Variants in ARHGEF3 observed in about 807,000 individuals in gnomAD.
ARHGEF3 encodes the protein Rho guanine nucleotide exchange factor 3.
ARHGEF3 carries 28 observed loss-of-function variants against 63.2 expected under a neutral mutation model. The observed-to-expected ratio is 0.44, with a 90% CI of 0.33 to 0.61. ARHGEF3 has a LOEUF of 0.61. ARHGEF3 is among the 20% of genes least tolerant of loss of function. ARHGEF3 has a pLI of 0.03. For missense variants in ARHGEF3, 533 were observed against 659.3 expected, an observed-to-expected ratio of 0.81 and a Z score of 2.10; for synonymous variants, 266 against 254.2, an observed-to-expected ratio of 1.05 and a Z score of -0.44.
At chr3:56,916,596 AC>A in intron 3 of ARHGEF3, 1 of 897,388 alleles carries the variant, frequency 1.1e-6, no homozygotes, top group Non-Finnish European at 1.5e-6. Flanking sequence ...TCAAAGGTAC[AC>A]CAGAAGTTCA....
At chr3:57,002,502 A>ATATATATGT (rs1702279318) in intron 2 of ARHGEF3, among the ~76,000 whole-genome samples, 1 of 81,058 alleles carries the variant, frequency 1.2e-5, no homozygotes, top group African/African-American at 4.3e-5. Flanking sequence ...TATATGTTAT[A>ATATATATGT]TATATATATA....
At chr3:56,921,774 G>T (rs994669516) in intron 3 of ARHGEF3, among the ~76,000 whole-genome samples, 1 of 152,220 alleles carries the variant, frequency 6.6e-6, no homozygotes, top group African/African-American at 2.4e-5. Flanking sequence ...AGCTCAACAA[G>T]ATTATAAAAT....
intron 4 of ARHGEF3, among the ~76,000 whole-genome samples, chr3:56,807,691 G>A (rs7618156): frequency 0.88 from 133,308 of 152,194 alleles, 58,453 homozygotes; most frequent in East Asian, 0.9. Flanking sequence ...GTGAATTCTG[G>A]CAGATCAGGA....
chr3:56,739,394 TCC>T lies in ARHGEF3; in HGVS notation c.871-2041_871-2040del, dbSNP rs369880587. ...ATCTAGGATTGTTAAGTAATTATTT[TCC>T]TTTTTTTTTTTTTTTTTCAGTTGAG... is the stretch of plus-strand genomic sequence containing the variant. On this transcript the variant is annotated intron_variant, in intron 7 of 9. Transcript: ENST00000296315. Among the ~76,000 whole-genome samples the T allele has an allele frequency of 1.3e-3, 119 of 93,804 alleles. 3 individuals carry two copies. The highest frequency in any genetic ancestry group is 4.0e-3 in the East Asian group (4 of 1,002). 61.5% of individuals were successfully genotyped at this position (93,804 alleles called of 152,430 possible).
chr3:56,825,022 AG>A (rs961297064), intron 4 of ARHGEF3, among the ~76,000 whole-genome samples: 28 of 150,930 alleles, frequency 1.9e-4, no homozygotes, highest in African/African-American at 6.5e-4. Context: ...CATATACTGG[AG>A]TGTAGCAGCC....
At chr3:56,789,444 A>AT (rs2036974292) in intron 1 of ARHGEF3, among the ~76,000 whole-genome samples, 1 of 152,228 alleles carries the variant, frequency 6.6e-6, no homozygotes, top group South Asian at 2.1e-4. Flanking sequence ...ATCTACTTTT[A>AT]TTTTTTAAGT....
chr3:56,898,597 G>A (rs1372462590), intron 3 of ARHGEF3: 1 of 278,402 alleles, frequency 3.6e-6, no homozygotes, highest in Non-Finnish European at 8.0e-6. Flanking sequence ...GAGCAAAGAT[G>A]TAAGTATCAG....
intron 4 of ARHGEF3, among the ~76,000 whole-genome samples, chr3:56,832,882 T>C (rs1459004004): frequency 6.6e-6 from 1 of 152,254 alleles, no homozygotes; most frequent in Admixed American, 6.5e-5. Context: ...AAATAACATA[T>C]GACCTTTTGT....
chr3:57,002,349 A>G (rs1702229714), intron 2 of ARHGEF3, among the ~76,000 whole-genome samples: 1 of 149,098 alleles, frequency 6.7e-6, no homozygotes, highest in African/African-American at 2.5e-5. Flanking sequence ...AGTGCTTATT[A>G]AGGGTAGAAT....
At chr3:56,910,931 C>T (rs1304778368) in intron 3 of ARHGEF3, among the ~76,000 whole-genome samples, 1 of 152,082 alleles carries the variant, frequency 6.6e-6, no homozygotes, top group African/African-American at 2.4e-5. Flanking sequence ...GAAACTGAGG[C>T]CCAGAGAGGT....
chr3:56,935,560 G>A (rs1476003452), intron 3 of ARHGEF3, among the ~76,000 whole-genome samples: 1 of 152,008 alleles, frequency 6.6e-6, no homozygotes, highest in East Asian at 1.9e-4. Flanking sequence ...CTTCACTCCT[G>A]AGCCCAGCGA....
intron 3 of ARHGEF3, among the ~76,000 whole-genome samples, chr3:56,947,496 C>T (rs1393723550): frequency 6.6e-6 from 1 of 152,058 alleles, no homozygotes; most frequent in Non-Finnish European, 1.5e-5. Context: ...TGATAAAACA[C>T]ACTTTAAACC....
chr3:56,805,450 G>A (rs2037830029), upstream of ARHGEF3, among the ~76,000 whole-genome samples: 1 of 152,114 alleles, frequency 6.6e-6, no homozygotes, highest in African/African-American at 2.4e-5. Context: ...GCTCAGGCTG[G>A]TCTTGAATTC....
chr3:56,779,941 C>T (rs534444635), intron 1 of ARHGEF3, among the ~76,000 whole-genome samples: 3 of 152,200 alleles, frequency 2.0e-5, no homozygotes, highest in Admixed American at 6.5e-5. Context: ...AGGGAACTTA[C>T]AATCTGTGCA....
At chr3:56,873,868 C>T (rs548567032) in intron 4 of ARHGEF3, among the ~76,000 whole-genome samples, 1 of 152,262 alleles carries the variant, frequency 6.6e-6, no homozygotes, top group Non-Finnish European at 1.5e-5. Flanking sequence ...TGTTCTGGGG[C>T]ACAAGCACCT....
chr3:56,812,836 CATGT>C (rs2038117979), intron 4 of ARHGEF3, among the ~76,000 whole-genome samples: 1 of 152,254 alleles, frequency 6.6e-6, no homozygotes, highest in Admixed American at 6.5e-5. Context: ...AAAGGGGAGT[CATGT>C]TCTCCCCTCC....
intron 6 of ARHGEF3, among the ~76,000 whole-genome samples, chr3:56,748,376 T>C (rs1386287355): frequency 6.6e-6 from 1 of 152,112 alleles, no homozygotes; most frequent in African/African-American, 2.4e-5. Context: ...GAACCAAAGC[T>C]ACTTGCTCAG....
intron 3 of ARHGEF3, among the ~76,000 whole-genome samples, chr3:56,942,536 A>G (rs1699238477): frequency 6.6e-6 from 1 of 152,156 alleles, no homozygotes; most frequent in South Asian, 2.1e-4. Flanking sequence ...AGGCTTCCCT[A>G]TTCCCTGAGA....
At chr3:56,781,138 C>T (rs915122882) in intron 1 of ARHGEF3, among the ~76,000 whole-genome samples, 1 of 151,962 alleles carries the variant, frequency 6.6e-6, no homozygotes, top group Non-Finnish European at 1.5e-5. Flanking sequence ...TATCTACAAG[C>T]CAAAGAACAT....
Sources: gnomAD v4.1 joint callset for allele counts (sites outside exome capture counted in the v4.1 genomes callset) on GRCh38, gnomAD v4.1.1 for gene constraint, MANE v1.5 for transcripts, NCBI Gene and HGNC (gene_info 2026-07-23, HGNC 2026-07-21) for gene names.